The following SYNE1 variants were observed in gnomAD, a reference collection of about 807,000 sequenced individuals.
SYNE1 encodes spectrin repeat containing nuclear envelope protein 1, also known as nesprin-1.
Under a neutral mutation model 1,111.0 loss-of-function variants are expected in SYNE1, and 616 were observed. That is an observed-to-expected ratio of 0.55 (90% CI 0.52 to 0.59). The LOEUF (loss-of-function observed/expected upper bound fraction) is 0.59. SYNE1 is among the 20% of genes least tolerant of loss of function. SYNE1 has a pLI of 0.00. For synonymous variants in SYNE1, 3,855 were observed against 3,825.8 expected (o/e 1.01, Z -0.28); for missense variants, 10,006 against 10,417.0 (o/e 0.96, Z 1.72).
intron 4 of SYNE1, among the ~76,000 whole-genome samples, chr6:152,526,535 G>A (rs532660765): frequency 2.0e-5 from 3 of 152,198 alleles, no homozygotes; most frequent in Non-Finnish European, 2.9e-5. Context: ...ATAGCAGGAC[G>A]TAAAAGCAGA....
rs186194510 is a variant in SYNE1 at position 152,479,701 on chromosome 6, G to A, written c.1350+3384C>T. Among the ~76,000 whole-genome samples, 16 of 152,280 alleles carry A rather than the reference G, an allele frequency of 1.1e-4. No individual in the cohort carries two copies. The East Asian group carries it at 2.9e-3, about 28-fold the overall frequency. On this transcript the variant is annotated intron_variant, in intron 14 of 145. Coordinates refer to ENST00000367255, the MANE Select transcript of SYNE1 (RefSeq NM_182961.4). ...TCCATAATAGTTGGCTATGGTTATT[G>A]TTATTTTTCTAGATAACTGAACATT...
At chr6:152,438,782 T>A (rs1008567999) in intron 32 of SYNE1, among the ~76,000 whole-genome samples, 1 of 152,126 alleles carries the variant, frequency 6.6e-6, no homozygotes, top group East Asian at 1.9e-4. Flanking sequence ...GCTATCAACT[T>A]GAATAAAGGT....
intron 36 of SYNE1, among the ~76,000 whole-genome samples, chr6:152,429,617 T>A (rs2098409528): frequency 6.6e-6 from 1 of 152,142 alleles, no homozygotes; most frequent in Non-Finnish European, 1.5e-5. Flanking sequence ...ATTATCCCCC[T>A]TTGTTCCTCC....
intron 32 of SYNE1, among the ~76,000 whole-genome samples, chr6:152,440,189 C>T (rs1342962126): frequency 1.3e-5 from 2 of 152,166 alleles, no homozygotes; most frequent in Non-Finnish European, 2.9e-5. Flanking sequence ...ATATTAACTC[C>T]CATATGCCCA....
rs1369695077 is a variant in SYNE1 at position 152,180,171 on chromosome 6, T to C, written c.23425A>G (p.Ile7809Val). Residue 7809 changes from isoleucine (I) to valine (V), a missense_variant, in exon 129 of 146, where the codon ATT (isoleucine) becomes GTT (valine). By Grantham distance (29) the Ile-to-Val change is conservative. Around this residue, in one of 7 missense-constraint regions of SYNE1, gnomAD observed 2,182 missense variants for 2,287.8 expected, o/e 0.95. Coordinates refer to ENST00000367255, the MANE Select transcript of SYNE1 (RefSeq NM_182961.4). ...MESKVSQNGD[I>V]LIEEMIEKLK... ...TTCTCTATCATTTCTTCAATGAGAA[T>C]GTCTCCATTCTGAGAAACTTTGCTT... 1.2e-6 allele frequency: 2 copies of C among 1,614,174 alleles called. No individual in the cohort carries two copies. The highest frequency in any genetic ancestry group is 1.7e-6 in the Non-Finnish European group (2 of 1,180,024).
chr6:152,608,158 AT>A (rs2099621339), intron 3 of SYNE1, among the ~76,000 whole-genome samples: 1 of 73,742 alleles, frequency 1.4e-5, no homozygotes, highest in Non-Finnish European at 3.1e-5. Context: ...CTTAAAATAA[AT>A]AAATAAAAAT....
intron 95 of SYNE1, among the ~76,000 whole-genome samples, chr6:152,291,957 A>G (rs2094626024): frequency 6.6e-6 from 1 of 152,210 alleles, no homozygotes; most frequent in South Asian, 2.1e-4. Context: ...TGAGGAGCAC[A>G]TACTCAACCT....
In SYNE1 at chr6:152,145,629, T is replaced by C. The variant is rs1666417373; in HGVS notation, c.24977-1864A>G. The C allele has an allele frequency of 4.4e-6, 6 of 1,372,598 alleles. No individual in the cohort carries two copies. In the South Asian group the frequency reaches 7.0e-5, roughly 16 times the overall value. The allele number at this position is 1,372,598 out of a possible 1,614,324, so 85.0% of individuals were successfully genotyped here. A position where few individuals can be genotyped will look rare whatever the true frequency, so the allele number is the denominator to read the frequency against. On this transcript the variant is annotated intron_variant, in intron 137 of 145. Coordinates refer to ENST00000367255, the MANE Select transcript of SYNE1 (RefSeq NM_182961.4). The stretch of plus-strand genomic sequence containing the variant: ...GAATCCCTTGTGCAGGAAAATAACT[T>C]TCCTAGGGGAAAAAAAGGAAGTCAG...
chr6:152,145,135 G>A (rs1196297915), intron 137 of SYNE1: 1 of 355,086 alleles, frequency 2.8e-6, no homozygotes, highest in Non-Finnish European at 5.5e-6. Context: ...AGGTAGGTCT[G>A]CATGCAGTGA....
At chr6:152,228,870 A>G (rs1198155828) in intron 115 of SYNE1, among the ~76,000 whole-genome samples, 3 of 152,140 alleles carry the variant, frequency 2.0e-5, no homozygotes, top group Non-Finnish European at 4.4e-5. Context: ...TAGCTGAGGC[A>G]TGTTCTTCAT....
chr6:152,207,990 G>T lies in SYNE1; in HGVS notation c.22806C>A (p.Thr7602=), dbSNP rs1202276209. The T allele has an allele frequency of 4.3e-6, 7 of 1,613,980 alleles. No homozygotes were observed. In the South Asian group the frequency reaches 7.7e-5, roughly 18 times the overall value. ...ATCTTACCTGCACTTCATCAAAGAG[G>T]GTCCTTGCTTGTTGCAGTGGTATAG... ...SVPIPLQQAR[T]LFDEVQFKEK... is the part of the protein sequence containing the mutation. The change falls in exon 125 of 146, where the codon ACC becomes ACA. Residue 7602 remains threonine, a synonymous_variant. Transcript: ENST00000367255.
intron 39 of SYNE1, 85 bp from the exon 40 acceptor site, chr6:152,419,807 A>G: frequency 1.4e-6 from 2 of 1,430,912 alleles, no homozygotes; most frequent in Non-Finnish European, 2.0e-6. Context: ...AAGCTTACCC[A>G]AGGGCAAAAG....
At position 152,294,067 on chromosome 6, in the gene SYNE1, G is replaced by T. The variant is rs757560974; in HGVS notation, c.17743C>A (p.His5915Asn). The change falls in exon 94 of 146, where the codon CAC becomes AAC. Residue 5915 changes from histidine (H) to asparagine (N), a missense_variant. His to Asn is a moderately conservative substitution (Grantham distance 68). Transcript: ENST00000367255. Reference protein sequence around the residue: ...ERLQTDAAKIHPSTSASQEFY... With the variant: ...ERLQTDAAKINPSTSASQEFY... ...TCCTGGGATGCGGATGTGCTGGGGT[G>T]AATTTTTGCAGCATCTGTCTGCAAC... is the stretch of plus-strand genomic sequence containing the variant. 1.2e-6 allele frequency: 2 copies of T among 1,613,926 alleles called. No homozygotes were observed. The highest frequency in any genetic ancestry group is 3.3e-5 in the Admixed American group (2 of 60,010).
intron 3 of SYNE1, among the ~76,000 whole-genome samples, chr6:152,563,092 G>A (rs539441850): frequency 1.7e-4 from 25 of 151,498 alleles, no homozygotes; most frequent in Admixed American, 5.3e-4. Context: ...AGAAAGAGAC[G>A]GAGAAACACA....
chr6:152,180,009 A>G, intron 129 of SYNE1, 127 bp downstream of exon 129: 1 of 1,068,878 alleles, frequency 9.4e-7, no homozygotes, highest in Non-Finnish European at 1.4e-6. Context: ...TTAAAAAGAT[A>G]AAATGTTTAA....
intron 129 of SYNE1, among the ~76,000 whole-genome samples, chr6:152,178,910 CTTTTTTTT>C (rs750037655): frequency 8.7e-6 from 1 of 115,566 alleles, no homozygotes; most frequent in African/African-American, 3.6e-5. Context: ...TCACCCAATT[CTTTTTTTT>C]TTTTTTTTTT....
intron 58 of SYNE1, among the ~76,000 whole-genome samples, chr6:152,375,212 G>A (rs2097259250): frequency 6.6e-6 from 1 of 152,100 alleles, no homozygotes; most frequent in Non-Finnish European, 1.5e-5. Flanking sequence ...TAAAGTGCTG[G>A]GATTATAGGT....
intron 32 of SYNE1, among the ~76,000 whole-genome samples, chr6:152,439,145 C>T (rs1251058297): frequency 6.6e-6 from 1 of 152,180 alleles, no homozygotes; most frequent in African/African-American, 2.4e-5. Context: ...AATGTCACCT[C>T]ATATTATTAC....
chr6:152,441,336 C>T (rs2098528311), intron 31 of SYNE1, 66 bp from the exon 32 acceptor site: 3 of 1,524,556 alleles, frequency 2.0e-6, no homozygotes, highest in Admixed American at 1.9e-5. Flanking sequence ...TATTTTCATT[C>T]GTTTGCAAAA....
Sources: allele counts gnomAD v4.1 joint callset (sites outside exome capture counted in the v4.1 genomes callset), GRCh38; gene constraint gnomAD v4.1.1; regional missense constraint gnomAD v4.1.1; transcripts MANE v1.5; gene names NCBI Gene and HGNC (gene_info 2026-07-23, HGNC 2026-07-21).